The following KLHL24 variants were observed in gnomAD, a reference collection of about 807,000 sequenced individuals.
KLHL24 encodes the protein kelch like family member 24.
KLHL24 carries 29 observed loss-of-function variants against 53.4 expected under a neutral mutation model. The observed-to-expected ratio is 0.54, with a 90% confidence interval of 0.40 to 0.74. The LOEUF is 0.74. Ranked by LOEUF, KLHL24 falls within the 30% of genes least tolerant of loss-of-function variation. The pLI is 0.00. For missense variants in KLHL24, 504 were observed against 744.0 expected (o/e 0.68, Z 3.75); for synonymous variants, 222 against 253.7 (o/e 0.88, Z 1.19).
At chr3:183,666,958 C>T (rs990079348) in intron 5 of KLHL24, among the ~76,000 whole-genome samples, 3 of 152,200 alleles carry the variant, frequency 2.0e-5, no homozygotes, top group South Asian at 2.1e-4. Context: ...TCTCCTAGCA[C>T]CCCTTTCTAA....
chr3:183,640,685 C>T (rs1158826512), intron 1 of KLHL24, among the ~76,000 whole-genome samples: 5 of 151,120 alleles, frequency 3.3e-5, no homozygotes, highest in African/African-American at 4.9e-5. Flanking sequence ...CTGCAACCTC[C>T]GCCTCCTGGG....
intron 5 of KLHL24, 27 bp downstream of exon 5, chr3:183,665,066 T>C (rs1417249446): frequency 6.0e-6 from 7 of 1,167,900 alleles, no homozygotes; most frequent in African/African-American, 1.5e-5. Flanking sequence ...TTTATTACTA[T>C]TGCTGGTACC....
At chr3:183,660,780 G>A (rs969618458) in intron 3 of KLHL24, among the ~76,000 whole-genome samples, 3 of 152,080 alleles carry the variant, frequency 2.0e-5, no homozygotes, top group African/African-American at 4.8e-5. Flanking sequence ...AGATCTGGCC[G>A]GGAGCCGCAG....
Position 183,635,706 on chromosome 3 carries a change from C to T in KLHL24, c.-212C>T, listed in dbSNP as rs1418305170. ...TGCGCCGCCCGCCGCTGAGGGACCG[C>T]GGGGTTAGCCACTGCTGGCTGCTTC... On this transcript the variant is annotated 5_prime_UTR_variant, in exon 1 of 8. Coordinates refer to ENST00000242810, the MANE Select transcript of KLHL24 (RefSeq NM_017644.3). 3.3e-5 allele frequency: 5 copies of T among 152,798 alleles called. No homozygotes were observed. Among genetic ancestry groups the T allele is most frequent in the African/African-American group, 1.2e-4 (5 of 41,446 alleles). The allele number at this position is 152,798 out of a possible 1,614,324, so 9.5% of individuals were successfully genotyped here.
intron 1 of KLHL24, 147 bp downstream of exon 1, chr3:183,635,940 C>T (rs1715048517): frequency 6.6e-6 from 1 of 152,392 alleles, no homozygotes; most frequent in Non-Finnish European, 1.5e-5. Flanking sequence ...GGGCCCCTTT[C>T]TGAGGCGAGG....
intron 7 of KLHL24, among the ~76,000 whole-genome samples, chr3:183,674,303 C>CTTT (rs71185671): frequency 4.2e-4 from 53 of 126,786 alleles, no homozygotes; most frequent in Middle Eastern, 4.1e-3. Context: ...TTCTTTCTTT[C>CTTT]CTTTCTTCCT....
Position 183,682,647 on chromosome 3 carries a change from G to A in KLHL24, c.*3361G>A, listed in dbSNP as rs751125629. ...CTTTTATACTTAAAAAGATGAAAATGTTTTGTGGACTGATACATTTTATCT... is the reference window on the plus strand; with the variant it reads ...CTTTTATACTTAAAAAGATGAAAATATTTTGTGGACTGATACATTTTATCT... On this transcript the variant is annotated 3_prime_UTR_variant, in exon 8 of 8. Coordinates refer to ENST00000242810, the MANE Select transcript of KLHL24 (RefSeq NM_017644.3). The A allele has an allele frequency of 3.9e-5, 6 of 152,584 alleles. No homozygotes were observed. The highest frequency in any genetic ancestry group is 7.3e-5 in the Non-Finnish European group (5 of 68,032). The allele number at this position is 152,584 out of a possible 1,614,324, so 9.5% of individuals were successfully genotyped here.
At chr3:183,641,358 G>A (rs929601580) in intron 1 of KLHL24, among the ~76,000 whole-genome samples, 1 of 151,076 alleles carries the variant, frequency 6.6e-6, no homozygotes, top group African/African-American at 2.4e-5. Context: ...CACACCTGTA[G>A]TCCCAGCTAC....
chr3:183,648,858 C>T (rs138702778), intron 2 of KLHL24, among the ~76,000 whole-genome samples: 158 of 152,116 alleles, frequency 1.0e-3, no homozygotes, highest in African/African-American at 3.7e-3. Flanking sequence ...AAAAATTAGC[C>T]GGGTGTGGTG....
intron 5 of KLHL24, among the ~76,000 whole-genome samples, chr3:183,667,625 C>A (rs1720759692): frequency 6.6e-6 from 1 of 152,114 alleles, no homozygotes; most frequent in Non-Finnish European, 1.5e-5. Context: ...CCCACCCAGA[C>A]CTGTGGGAAA....
At chr3:183,664,333 A>C (rs773834929) in intron 4 of KLHL24, among the ~76,000 whole-genome samples, 6 of 152,212 alleles carry the variant, frequency 3.9e-5, no homozygotes, top group Non-Finnish European at 5.9e-5. Context: ...AGTTTATGAA[A>C]TAAGATTTGC....
At chr3:183,648,166 G>T (rs1315521604) in intron 2 of KLHL24, among the ~76,000 whole-genome samples, 1 of 152,128 alleles carries the variant, frequency 6.6e-6, no homozygotes, top group Non-Finnish European at 1.5e-5. Context: ...TTCAGTGAGA[G>T]AATTCATGAA....
intron 1 of KLHL24, among the ~76,000 whole-genome samples, chr3:183,639,629 CAAAA>C (rs767908911): frequency 7.6e-5 from 3 of 39,474 alleles, no homozygotes; most frequent in African/African-American, 3.3e-4. Context: ...GACTCTGTCT[CAAAA>C]AAAAAAAAAA....
At chr3:183,662,336 C>CTGTAATTG (rs1719923212) in intron 3 of KLHL24, among the ~76,000 whole-genome samples, 1 of 152,098 alleles carries the variant, frequency 6.6e-6, no homozygotes, top group African/African-American at 2.4e-5. Context: ...TTTTTTCCTA[C>CTGTAATTG]TGTAATTGTG....
chr3:183,636,005 TGAGG>T (rs2108737633), intron 1 of KLHL24, among the ~76,000 whole-genome samples: 1 of 152,116 alleles, frequency 6.6e-6, no homozygotes, highest in African/African-American at 2.4e-5. Flanking sequence ...GCTACAGCCC[TGAGG>T]GAGGGCGCGC....
intron 5 of KLHL24, among the ~76,000 whole-genome samples, chr3:183,665,858 A>G (rs1014075937): frequency 3.3e-5 from 5 of 151,550 alleles, no homozygotes; most frequent in Non-Finnish European, 7.4e-5. Context: ...TAAACCATCT[A>G]CTGTCTGTAG....
At chr3:183,645,450 TAA>T (rs1717085811) in intron 2 of KLHL24, among the ~76,000 whole-genome samples, 1 of 152,224 alleles carries the variant, frequency 6.6e-6, no homozygotes, top group African/African-American at 2.4e-5. Context: ...TTGTAAATGT[TAA>T]GCTGTGTGTA....
intron 1 of KLHL24, 51 bp from the exon 2 acceptor site, chr3:183,643,429 A>G (rs1576883858): frequency 1.3e-5 from 2 of 152,364 alleles, no homozygotes; most frequent in African/African-American, 4.8e-5. Flanking sequence ...CCAGCTGTAC[A>G]TGAACTGACA....
intron 7 of KLHL24, among the ~76,000 whole-genome samples, chr3:183,674,599 A>G (rs2108889661): frequency 6.6e-6 from 1 of 152,234 alleles, no homozygotes; most frequent in East Asian, 1.9e-4. Flanking sequence ...TGACCTTGTG[A>G]TCCACCTGCC....
Sources: gnomAD v4.1 joint callset for allele counts (sites outside exome capture counted in the v4.1 genomes callset) on GRCh38, gnomAD v4.1.1 for gene constraint, MANE v1.5 for transcripts, NCBI Gene and HGNC (gene_info 2026-07-23, HGNC 2026-07-21) for gene names.